Variants in CACNA2D2 observed in about 807,000 individuals in gnomAD.
CACNA2D2 encodes the protein voltage-dependent calcium channel subunit alpha-2/delta-2.
A neutral mutation model predicts 166.4 loss-of-function variants in CACNA2D2; 48 were observed. That is an observed-to-expected ratio of 0.29 (90% confidence interval 0.23 to 0.37). The LOEUF (loss-of-function observed/expected upper bound fraction) is 0.37, where lower values mean the gene tolerates loss of function less well. Among genes scored for constraint, CACNA2D2 ranks in the 10% least tolerant of loss-of-function variants. CACNA2D2 has a pLI of 1.00. For missense variants in CACNA2D2, 1,122 were observed against 1,433.0 expected, an observed-to-expected ratio of 0.78 and a Z score of 3.50; for synonymous variants, 561 against 573.7, an observed-to-expected ratio of 0.98 and a Z score of 0.32.
chr3:50,422,665 G>A (rs1269831651), intron 3 of CACNA2D2, among the ~76,000 whole-genome samples: 4 of 152,192 alleles, frequency 2.6e-5, no homozygotes, highest in Non-Finnish European at 5.9e-5. Flanking sequence ...CCTACCAGGT[G>A]GACTCTTACT....
intron 6 of CACNA2D2, among the ~76,000 whole-genome samples, chr3:50,382,001 C>T (rs1006149947): frequency 6.6e-6 from 1 of 151,620 alleles, no homozygotes; most frequent in Non-Finnish European, 1.5e-5. Context: ...CACACACACA[C>T]ACACACACAC....
Position 50,367,167 on chromosome 3 carries a change from T to C in CACNA2D2, c.2402-58A>G. 1 of 1,331,776 alleles carries C rather than the reference T, an allele frequency of 7.5e-7. No individual in the cohort carries two copies. The highest frequency in any genetic ancestry group is 1.1e-6 in the Non-Finnish European group (1 of 935,560). The allele number at this position is 1,331,776 out of a possible 1,614,324, so 82.5% of individuals were successfully genotyped here. On this transcript the variant is annotated intron_variant, in intron 27 of 37. Coordinates refer to ENST00000424201, the MANE Select transcript of CACNA2D2 (RefSeq NM_006030.4). The surrounding 1 kb of genome is among the most constrained non-coding windows in gnomAD (Gnocchi z 6.5). ...TCTGGCGGCCACACTGACCACTCTA[T>C]GCTGGGTCCTACAAACCCAGCAGTC... is the stretch of plus-strand genomic sequence containing the variant.
intron 2 of CACNA2D2, among the ~76,000 whole-genome samples, chr3:50,461,675 C>A (rs1033567261): frequency 6.8e-5 from 10 of 148,108 alleles, no homozygotes; most frequent in Admixed American, 2.7e-4. Context: ...GCAGGAGAAT[C>A]GCTTGAATCT....
At chr3:50,424,560 A>G (rs1707717884) in intron 3 of CACNA2D2, among the ~76,000 whole-genome samples, 1 of 152,084 alleles carries the variant, frequency 6.6e-6, no homozygotes, top group African/African-American at 2.4e-5. Flanking sequence ...AAGTATCCCC[A>G]TGGGCTTGCC....
intron 1 of CACNA2D2, 87 bp from the exon 2 acceptor site, chr3:50,476,286 C>A: frequency 1.0e-6 from 1 of 1,001,326 alleles, no homozygotes; most frequent in South Asian, 1.4e-5. Context: ...GCACTGGGGG[C>A]AACTATCCAC....
chr3:50,377,199 T>A (rs1705038493), intron 17 of CACNA2D2, among the ~76,000 whole-genome samples: 1 of 152,266 alleles, frequency 6.6e-6, no homozygotes, highest in African/African-American at 2.4e-5. Context: ...TGTTTGTGGC[T>A]GCTTTCACAA....
At chr3:50,450,769 A>T (rs764934641) in intron 2 of CACNA2D2, among the ~76,000 whole-genome samples, 2 of 151,898 alleles carry the variant, frequency 1.3e-5, no homozygotes, top group Non-Finnish European at 2.9e-5. Context: ...TCCCATCGGC[A>T]GGCCTCCCCT....
At chr3:50,459,557 G>A (rs1395242839) in intron 2 of CACNA2D2, among the ~76,000 whole-genome samples, 1 of 152,134 alleles carries the variant, frequency 6.6e-6, no homozygotes, top group East Asian at 1.9e-4. Context: ...GATGATCTGG[G>A]ACTCCGAAGC....
intron 22 of CACNA2D2, among the ~76,000 whole-genome samples, chr3:50,371,758 G>A (rs973812117): frequency 1.3e-5 from 2 of 152,228 alleles, no homozygotes; most frequent in East Asian, 1.9e-4. Context: ...GGAAGGGGTT[G>A]GGGGGAAGAG....
intron 3 of CACNA2D2, among the ~76,000 whole-genome samples, chr3:50,410,485 G>GGT (rs1553739134): frequency 2.0e-5 from 3 of 152,022 alleles, no homozygotes; most frequent in Admixed American, 6.5e-5. Flanking sequence ...TGGGATGGGG[G>GGT]GGGGGGTGTT....
intron 1 of CACNA2D2, among the ~76,000 whole-genome samples, chr3:50,486,087 C>T (rs1467928728): frequency 2.6e-5 from 4 of 152,148 alleles, no homozygotes; most frequent in Non-Finnish European, 5.9e-5. Context: ...ATTTCACAAA[C>T]GGGTAAGCTG....
chr3:50,432,452 G>A (rs1328751199), intron 3 of CACNA2D2, among the ~76,000 whole-genome samples: 1 of 152,238 alleles, frequency 6.6e-6, no homozygotes, highest in Non-Finnish European at 1.5e-5. Flanking sequence ...AACTGGACAG[G>A]GGGCAGCAAA....
At chr3:50,399,504 C>T (rs1463246264) in intron 3 of CACNA2D2, among the ~76,000 whole-genome samples, 1 of 152,004 alleles carries the variant, frequency 6.6e-6, no homozygotes, top group Non-Finnish European at 1.5e-5. Context: ...GGTAGTATGC[C>T]CTGAGAATGT....
Position 50,370,390 on chromosome 3 carries a change from A to C in CACNA2D2, c.1985-10T>G. ...AGCAGGAACTCAAAATCTGCAACAG[A>C]AACGGGGGGTTATCCGGCGGGGGCT... is the stretch of plus-strand genomic sequence containing the variant. On this transcript the variant is annotated splice_polypyrimidine_tract_variant and intron_variant, in intron 22 of 37. Transcript: ENST00000424201. 7.2e-7 allele frequency: 1 copy of C among 1,393,832 alleles called. No homozygotes were observed. The highest frequency in any genetic ancestry group is 9.6e-7 in the Non-Finnish European group (1 of 1,043,356). The allele number at this position is 1,393,832 out of a possible 1,614,324, so 86.3% of individuals were successfully genotyped here. A position where few individuals can be genotyped will look rare whatever the true frequency, so the allele number is the denominator to read the frequency against.
At chr3:50,495,652 C>T (rs1305538834) in intron 1 of CACNA2D2, among the ~76,000 whole-genome samples, 1 of 152,238 alleles carries the variant, frequency 6.6e-6, no homozygotes, top group South Asian at 2.1e-4. Context: ...CCCACAGTGT[C>T]TTGCTGCGGG....
chr3:50,438,453 A>AAG (rs1708445395), intron 2 of CACNA2D2, among the ~76,000 whole-genome samples: 1 of 152,170 alleles, frequency 6.6e-6, no homozygotes, highest in South Asian at 2.1e-4. Flanking sequence ...ATGCCTCCTT[A>AAG]GAAGCCCCGA....
Position 50,365,199 on chromosome 3 carries a change from G to A in CACNA2D2, c.3099-15C>T, listed in dbSNP as rs1704173605. The A allele has an allele frequency of 1.2e-6, 2 of 1,611,104 alleles. No homozygotes were observed. Among genetic ancestry groups the A allele is most frequent in the Non-Finnish European group, 1.7e-6 (2 of 1,179,196 alleles). Reference sequence around the variant, plus strand: ...CGTGGAACAGCCTGCGGGCAGCCCGGAAAGGCGGGGCGTTGAGTTTGCCCC... The same window carrying A: ...CGTGGAACAGCCTGCGGGCAGCCCGAAAAGGCGGGGCGTTGAGTTTGCCCC... On this transcript the variant is annotated splice_polypyrimidine_tract_variant and intron_variant, in intron 35 of 37. Transcript: ENST00000424201. This position sits in a 1 kb window ranked among gnomAD's most constrained non-coding sequence, Gnocchi z 4.5.
At chr3:50,424,109 T>A (rs1211624936) in intron 3 of CACNA2D2, among the ~76,000 whole-genome samples, 1 of 152,194 alleles carries the variant, frequency 6.6e-6, no homozygotes, top group African/African-American at 2.4e-5. Flanking sequence ...GAGTGTGAGG[T>A]TTGCCAAGGG....
At chr3:50,454,093 A>G (rs1372558410) in intron 2 of CACNA2D2, among the ~76,000 whole-genome samples, 2 of 152,242 alleles carry the variant, frequency 1.3e-5, no homozygotes, top group African/African-American at 4.8e-5. Flanking sequence ...ATTCAGCTGC[A>G]GCCAATCAGA....
Sources: allele counts gnomAD v4.1 joint callset (sites outside exome capture counted in the v4.1 genomes callset), GRCh38; gene constraint gnomAD v4.1.1; non-coding constraint Gnocchi (gnomAD v3.1); transcripts MANE v1.5; gene names NCBI Gene and HGNC (gene_info 2026-07-23, HGNC 2026-07-21).